The following SLC13A4 variants were observed in gnomAD, a reference collection of about 807,000 sequenced individuals.
SLC13A4 encodes Na(+)/sulfate cotransporter SUT-1.
Under a neutral mutation model 72.7 loss-of-function variants are expected in SLC13A4, and 28 were observed. The ratio of observed to expected loss-of-function variants is 0.39; its 90% CI spans 0.29 to 0.53. The LOEUF is 0.53. Ranked by LOEUF, SLC13A4 falls within the 20% of genes least tolerant of loss-of-function variation. The pLI is 0.78. For missense variants in SLC13A4, 653 were observed against 788.0 expected, an observed-to-expected ratio of 0.83 and a Z score of 2.05; for synonymous variants, 312 against 325.5, an observed-to-expected ratio of 0.96 and a Z score of 0.45.
intron 1 of SLC13A4, among the ~76,000 whole-genome samples, chr7:135,725,159 C>T (rs900604988): frequency 2.6e-5 from 4 of 152,166 alleles, no homozygotes; most frequent in East Asian, 3.8e-4. Flanking sequence ...TTTTGGCTCC[C>T]GTTTACAAGT....
At chr7:135,718,086 C>G (rs1308878482) in intron 2 of SLC13A4, among the ~76,000 whole-genome samples, 1 of 124,860 alleles carries the variant, frequency 8.0e-6, no homozygotes, top group Non-Finnish European at 1.7e-5. Context: ...CACACACACA[C>G]ACGCGCGCGC....
intron 5 of SLC13A4, 129 bp downstream of exon 5, chr7:135,705,467 G>A: frequency 2.6e-6 from 2 of 772,544 alleles, no homozygotes; most frequent in Non-Finnish European, 4.3e-6. Flanking sequence ...GGGTGGGGGG[G>A]TGGTGTGGCA....
chr7:135,722,985 G>T (rs1291842567), intron 1 of SLC13A4, among the ~76,000 whole-genome samples: 1 of 152,112 alleles, frequency 6.6e-6, no homozygotes, highest in South Asian at 2.1e-4. Flanking sequence ...CTTCTTGCAG[G>T]GGGGCTGTCC....
chr7:135,696,328 C>G (rs1795902978), intron 8 of SLC13A4, among the ~76,000 whole-genome samples: 1 of 152,070 alleles, frequency 6.6e-6, no homozygotes, highest in Admixed American at 6.6e-5. Flanking sequence ...CTTGACCCTG[C>G]TCTACTTTCC....
At chr7:135,710,404 A>C (rs73721696) in intron 2 of SLC13A4, among the ~76,000 whole-genome samples, 2 of 152,348 alleles carry the variant, frequency 1.3e-5, no homozygotes, top group African/African-American at 2.4e-5. Context: ...TCAAAAAAGA[A>C]AACAAAAAAC....
chr7:135,706,819 A>G (rs149746337), intron 3 of SLC13A4, among the ~76,000 whole-genome samples: 2,374 of 152,362 alleles, frequency 0.016, 30 homozygotes, highest in Non-Finnish European at 0.026. Flanking sequence ...TGCTGAAGGC[A>G]TAGCCCCCAA....
chr7:135,690,760 T>C (rs769683873), intron 13 of SLC13A4, among the ~76,000 whole-genome samples: 140 of 152,196 alleles, frequency 9.2e-4, no homozygotes, highest in Non-Finnish European at 1.6e-3. Flanking sequence ...TCCTGCTCTA[T>C]TGTTTCCCTT....
chr7:135,717,900 A>G (rs3110811), intron 2 of SLC13A4, among the ~76,000 whole-genome samples: 45,868 of 151,316 alleles, frequency 0.3, 7,388 homozygotes, highest in African/African-American at 0.38. Flanking sequence ...CTGGGCTGGG[A>G]CATCTGTCAT....
chr7:135,688,552 C>G (rs542432542), intron 13 of SLC13A4, among the ~76,000 whole-genome samples: 1 of 152,152 alleles, frequency 6.6e-6, no homozygotes. Flanking sequence ...TCACCATGCC[C>G]GGCCTAGTAA....
intron 2 of SLC13A4, among the ~76,000 whole-genome samples, chr7:135,711,461 C>T (rs1796298875): frequency 1.3e-5 from 2 of 152,144 alleles, no homozygotes; most frequent in African/African-American, 2.4e-5. Flanking sequence ...CTTCTAGTGC[C>T]GGCATTTTGC....
intron 13 of SLC13A4, among the ~76,000 whole-genome samples, 165 bp from the exon 14 acceptor site, chr7:135,685,848 C>A (rs558165446): frequency 1.3e-4 from 20 of 152,246 alleles, no homozygotes; most frequent in Non-Finnish European, 2.5e-4. Context: ...ATGGTTCGAT[C>A]ATTTTTGTAG....
At chr7:135,696,448 A>C (rs1348321891) in intron 8 of SLC13A4, among the ~76,000 whole-genome samples, 1 of 151,958 alleles carries the variant, frequency 6.6e-6, no homozygotes, top group Non-Finnish European at 1.5e-5. Flanking sequence ...TTCTGGGTTC[A>C]AGCAATTCTG....
At chr7:135,685,823 G>T in intron 13 of SLC13A4, 140 bp from the exon 14 acceptor site, 1 of 733,170 alleles carries the variant, frequency 1.4e-6, no homozygotes, top group Non-Finnish European at 2.2e-6. Context: ...GGAACCAGAG[G>T]TGTTCCTGAT....
chr7:135,722,322 G>A (rs1329635796), intron 1 of SLC13A4, among the ~76,000 whole-genome samples: 4 of 152,220 alleles, frequency 2.6e-5, no homozygotes, highest in Admixed American at 2.6e-4. Context: ...GTCATCCTGA[G>A]TTTGACACAT....
chr7:135,686,713 C>T (rs1795634646), intron 13 of SLC13A4, among the ~76,000 whole-genome samples: 1 of 152,182 alleles, frequency 6.6e-6, no homozygotes, highest in Non-Finnish European at 1.5e-5. Flanking sequence ...GGCATATTGA[C>T]CGTCCTGAAT....
At chr7:135,722,982 C>T (rs1203001319) in intron 1 of SLC13A4, among the ~76,000 whole-genome samples, 3 of 152,178 alleles carry the variant, frequency 2.0e-5, no homozygotes, top group African/African-American at 7.2e-5. Context: ...TTTCTTCTTG[C>T]AGGGGGGCTG....
chr7:135,695,621 C>T lies in SLC13A4; in HGVS notation c.900-134G>A, dbSNP rs550314590. The T allele has an allele frequency of 1.1e-4, 110 of 1,019,170 alleles. 2 individuals are homozygous for T. In the South Asian group the frequency reaches 1.5e-3, roughly 14 times the overall value. The allele number at this position is 1,019,170 out of a possible 1,614,324, so 63.1% of individuals were successfully genotyped here. On this transcript the variant is annotated intron_variant, in intron 8 of 15. Coordinates refer to ENST00000682651, the MANE Select transcript of SLC13A4 (RefSeq NM_001318192.2). Reference sequence around the variant, plus strand: ...AGATAATGATAACGATATGGTAAAACGTTGCCTAGGACTCATTTAGTTGAC... The same window carrying T: ...AGATAATGATAACGATATGGTAAAATGTTGCCTAGGACTCATTTAGTTGAC...
At chr7:135,722,729 GAC>G (rs1281132406) in intron 1 of SLC13A4, among the ~76,000 whole-genome samples, 1 of 152,124 alleles carries the variant, frequency 6.6e-6, no homozygotes, top group African/African-American at 2.4e-5. Flanking sequence ...AGAACTGGTT[GAC>G]CATTTCCCCC....
intron 6 of SLC13A4, chr7:135,701,986 A>G (rs1400567529): frequency 2.1e-6 from 1 of 473,182 alleles, no homozygotes; most frequent in Non-Finnish European, 3.7e-6. Flanking sequence ...TAGGCAGAAC[A>G]TGGCTCTGCC....
Sources: gnomAD v4.1 joint callset for allele counts (sites outside exome capture counted in the v4.1 genomes callset) on GRCh38, gnomAD v4.1.1 for gene constraint, MANE v1.5 for transcripts, NCBI Gene and HGNC (gene_info 2026-07-23, HGNC 2026-07-21) for gene names.